C16orf46: variants seen among roughly 807,000 people sequenced by gnomAD.
C16orf46 encodes the protein uncharacterized protein C16orf46.
A neutral mutation model predicts 5.5 loss-of-function variants in C16orf46; 7 were observed. The ratio of observed to expected loss-of-function variants is 1.28; its 90% CI spans 0.73 to 2.40. The LOEUF is 2.40. Among genes scored for constraint, C16orf46 ranks in the 30% most tolerant of loss-of-function variants. The pLI, the probability that C16orf46 is intolerant of heterozygous loss-of-function variation, is 0.00. For missense variants in C16orf46, 614 were observed against 476.0 expected (o/e 1.29, Z -2.70); for synonymous variants, 200 against 184.1 (o/e 1.09, Z -0.70).
At chr16:81,059,320 CAAAA>C (rs71143671), downstream of C16orf46, among the ~76,000 whole-genome samples, 2 of 46,612 alleles carry the variant, frequency 4.3e-5, no homozygotes, top group African/African-American at 9.5e-5. Context: ...GACTCTGTCT[CAAAA>C]AAAAAAAAAA....
At chr16:81,059,342 A>AC (rs1313488262), downstream of C16orf46, among the ~76,000 whole-genome samples, 1 of 150,332 alleles carries the variant, frequency 6.7e-6, no homozygotes, top group Non-Finnish European at 1.5e-5. Flanking sequence ...AAAAAAAAAA[A>AC]CCCTAGGCAA....
chr16:81,072,171 A>G (rs946476361), intron 1 of C16orf46: 5 of 152,246 alleles, frequency 3.3e-5, no homozygotes, highest in African/African-American at 4.8e-5. Flanking sequence ...AAAAAACTTA[A>G]TGACTCCAGC....
At chr16:81,066,465 A>G (rs1221297021) in intron 1 of C16orf46, among the ~76,000 whole-genome samples, 184 bp from the exon 2 acceptor site, 1 of 152,224 alleles carries the variant, frequency 6.6e-6, no homozygotes, top group South Asian at 2.1e-4. Context: ...TCAACCTCCC[A>G]GGTAGCTAAG....
At chr16:81,067,920 A>C (rs56166222) in intron 1 of C16orf46, among the ~76,000 whole-genome samples, 11,366 of 152,290 alleles carry the variant, frequency 0.075, 482 homozygotes, top group East Asian at 0.2. Context: ...ACAGATCTAC[A>C]AAAAAGATAT....
chr16:81,053,711 A>G (rs1394226621), exon 4 of C16orf46: 1 of 186,900 alleles, frequency 5.4e-6, no homozygotes, highest in Admixed American at 5.8e-5. Flanking sequence ...AACAAGTCAT[A>G]CTCTTTTTAA....
rs542302901 is a variant in C16orf46 at position 81,073,749 on chromosome 16, G to A, written c.-128+3387C>T. ...CATTGTTGCTGGCTTTGATGAAGTG[G>A]GGGTCACATCCCAAGGAATGTGGAT... On this transcript the variant is annotated intron_variant, in intron 1 of 3. Coordinates refer to ENST00000299578, the MANE Select transcript of C16orf46 (RefSeq NM_152337.3). Among the ~76,000 whole-genome samples, 12 of 152,286 alleles carry A rather than the reference G, an allele frequency of 7.9e-5. No homozygotes were observed. In the East Asian group the frequency reaches 1.9e-3, roughly 24 times the overall value.
chr16:81,058,658 T>C (rs1971374105), downstream of C16orf46, among the ~76,000 whole-genome samples: 2 of 152,230 alleles, frequency 1.3e-5, no homozygotes, highest in Admixed American at 6.5e-5. Context: ...CAGTCAGTTA[T>C]TCATTAGAGG....
rs890782086 is a variant in C16orf46 at position 81,061,197 on chromosome 16, T to C, written c.1152A>G (p.Arg384=). ...RPVLPSLTVS[R]VIIPVSTHRI... ...TGTGGGTAGAGACAGGAATGATAAC[T>C]CTGCTCACTGTGAGAGACGGCAAGA... is the stretch of plus-strand genomic sequence containing the variant. Residue 384 remains arginine, a synonymous_variant, in exon 4 of 4, where the codon AGA becomes AGG. Coordinates refer to ENST00000299578, the MANE Select transcript of C16orf46 (RefSeq NM_152337.3). 6.2e-7 allele frequency: 1 copy of C among 1,613,502 alleles called. No homozygotes were observed.
downstream of C16orf46, among the ~76,000 whole-genome samples, chr16:81,059,402 T>C (rs1329773451): frequency 6.7e-6 from 1 of 149,322 alleles, no homozygotes; most frequent in Non-Finnish European, 1.5e-5. Context: ...TTTACAAATA[T>C]AGTCATATAT....
chr16:81,064,713 C>T (rs976461647), intron 2 of C16orf46, among the ~76,000 whole-genome samples: 8 of 149,002 alleles, frequency 5.4e-5, no homozygotes, highest in Admixed American at 4.0e-4. Flanking sequence ...CGCTATTGCA[C>T]TCCAGCCTGG....
At chr16:81,059,933 A>C (rs146241844), downstream of C16orf46, among the ~76,000 whole-genome samples, 88 of 151,062 alleles carry the variant, frequency 5.8e-4, no homozygotes, top group East Asian at 8.4e-3. Flanking sequence ...GGACTACAGA[A>C]GCCCGCCACC....
At chr16:81,069,338 C>G (rs968453948) in intron 1 of C16orf46, among the ~76,000 whole-genome samples, 15 of 152,308 alleles carry the variant, frequency 9.8e-5, no homozygotes, top group Admixed American at 5.2e-4. Flanking sequence ...GCTGCAGGTT[C>G]ATTGTATGAT....
At chr16:81,063,708 C>A in intron 3 of C16orf46, 38 bp downstream of exon 3, 2 of 1,545,396 alleles carry the variant, frequency 1.3e-6, no homozygotes, top group Middle Eastern at 1.7e-4. Context: ...CACTGATGTG[C>A]GAGAGACAGA....
At position 81,062,081 on chromosome 16, in the gene C16orf46, T is replaced by C; in HGVS notation, c.268A>G (p.Lys90Glu). 6.2e-7 allele frequency: 1 copy of C among 1,610,290 alleles called. No individual in the cohort carries two copies. Among genetic ancestry groups the C allele is most frequent in the Non-Finnish European group, 8.5e-7 (1 of 1,179,866 alleles). The change falls in exon 4 of 4, where the codon AAA (lysine) becomes GAA (glutamate). Residue 90 changes from lysine (K) to glutamate (E), a missense_variant. By Grantham distance (56) the Lys-to-Glu change is moderately conservative. Transcript: ENST00000299578. ...GCACCTTCCCCTACCCTCGCCTTTT[T>C]TGGTATCTTCCTCGGCCAGATGCAG... ...AACIWPRKIP[K>E]KARVGEGACS...
downstream of C16orf46, among the ~76,000 whole-genome samples, chr16:81,059,701 T>G (rs1032716982): frequency 6.6e-6 from 1 of 152,026 alleles, no homozygotes; most frequent in African/African-American, 2.4e-5. Context: ...TGTCTGGGGT[T>G]GAGGGTTTCC....
chr16:81,054,005 T>A, exon 4 of C16orf46: 1 of 1,514,908 alleles, frequency 6.6e-7, no homozygotes, highest in Middle Eastern at 1.7e-4. Context: ...GGGTGAAATA[T>A]TTGCTTTTAT....
intron 1 of C16orf46, among the ~76,000 whole-genome samples, chr16:81,074,176 T>C (rs1484910065): frequency 6.6e-6 from 1 of 152,186 alleles, no homozygotes; most frequent in East Asian, 1.9e-4. Context: ...ACAGCTATCA[T>C]TTTGTCAGAT....
At chr16:81,062,574 C>T (rs754429) in intron 3 of C16orf46, among the ~76,000 whole-genome samples, 11,951 of 152,198 alleles carry the variant, frequency 0.079, 525 homozygotes, top group East Asian at 0.2. Flanking sequence ...ACAAGGATTT[C>T]GGGCACCGCC....
chr16:81,072,289 G>A (rs1422211921), intron 1 of C16orf46: 2 of 141,394 alleles, frequency 1.4e-5, no homozygotes, highest in Admixed American at 7.5e-5. Flanking sequence ...GTGGGACTCT[G>A]ACTCTGAGGG....
Sources: allele counts gnomAD v4.1 joint callset (sites outside exome capture counted in the v4.1 genomes callset), GRCh38; gene constraint gnomAD v4.1.1; transcripts MANE v1.5; gene names NCBI Gene and HGNC (gene_info 2026-07-23, HGNC 2026-07-21).